The following REEP3 variants were observed in gnomAD, a reference collection of about 807,000 sequenced individuals.
REEP3 encodes receptor expression-enhancing protein 3.
A neutral mutation model predicts 41.3 loss-of-function variants in REEP3; 20 were observed. The observed-to-expected ratio is 0.48, with a 90% CI of 0.34 to 0.70. The LOEUF is 0.70. Among genes scored for constraint, REEP3 ranks in the 30% least tolerant of loss-of-function variants. The pLI, the probability that REEP3 is intolerant of heterozygous loss-of-function variation, is 0.01. For missense variants in REEP3, 271 were observed against 308.8 expected, an observed-to-expected ratio of 0.88 and a Z score of 0.92; for synonymous variants, 104 against 101.8, an observed-to-expected ratio of 1.02 and a Z score of -0.13.
intron 1 of REEP3, among the ~76,000 whole-genome samples, chr10:63,541,713 T>C (rs1380963675): frequency 6.6e-6 from 1 of 152,112 alleles, no homozygotes; most frequent in Non-Finnish European, 1.5e-5. Context: ...TATTTAAAGG[T>C]CAACCAGTAG....
At chr10:63,567,340 ACCCTGTG>A (rs927985287) in intron 2 of REEP3, among the ~76,000 whole-genome samples, 16 of 152,040 alleles carry the variant, frequency 1.1e-4, no homozygotes, top group African/African-American at 3.4e-4. Flanking sequence ...CCCAAATAAA[ACCCTGTG>A]CCCAAGTTGC....
intron 5 of REEP3, 153 bp downstream of exon 5, chr10:63,599,436 T>A (rs973064839): frequency 2.3e-6 from 1 of 439,448 alleles, no homozygotes; most frequent in African/African-American, 2.1e-5. Context: ...GATATTTTAA[T>A]TTTGTGTTTT....
At chr10:63,546,391 T>C (rs1955578832) in intron 1 of REEP3, among the ~76,000 whole-genome samples, 1 of 152,052 alleles carries the variant, frequency 6.6e-6, no homozygotes, top group Non-Finnish European at 1.5e-5. Context: ...GTTTGACAGA[T>C]TGGCTGTGAA....
intron 2 of REEP3, among the ~76,000 whole-genome samples, chr10:63,589,757 G>A (rs1477641627): frequency 7.1e-6 from 1 of 141,502 alleles, no homozygotes; most frequent in African/African-American, 2.6e-5. Flanking sequence ...GAGCTAGGAC[G>A]TCTAATGTAC....
At chr10:63,590,876 C>A (rs1367205919) in intron 2 of REEP3, among the ~76,000 whole-genome samples, 4 of 152,166 alleles carry the variant, frequency 2.6e-5, no homozygotes, top group African/African-American at 4.8e-5. Context: ...AAGTTAGTAA[C>A]CTTTTTTCCC....
intron 7 of REEP3, 144 bp downstream of exon 7, chr10:63,619,944 T>C (rs1956340902): frequency 1.3e-6 from 1 of 753,992 alleles, no homozygotes. Context: ...TTTTTTTTTT[T>C]AGTTTTTGGG....
chr10:63,545,270 T>C (rs1174615330), intron 1 of REEP3, among the ~76,000 whole-genome samples: 1 of 152,232 alleles, frequency 6.6e-6, no homozygotes, highest in African/African-American at 2.4e-5. Context: ...ATGTTTACCA[T>C]TTATTTGTGC....
At chr10:63,617,520 C>A (rs1956320431) in intron 6 of REEP3, among the ~76,000 whole-genome samples, 1 of 152,136 alleles carries the variant, frequency 6.6e-6, no homozygotes, top group African/African-American at 2.4e-5. Context: ...CTACCTCAGC[C>A]TTTGGAGGAG....
At chr10:63,591,133 T>G (rs1423628643) in intron 2 of REEP3, among the ~76,000 whole-genome samples, 115 of 145,244 alleles carry the variant, frequency 7.9e-4, no homozygotes, top group African/African-American at 2.1e-3. Context: ...TTTTGTTTTT[T>G]TTTTTTTTGA....
intron 1 of REEP3, among the ~76,000 whole-genome samples, chr10:63,539,947 C>T (rs911322783): frequency 7.2e-5 from 11 of 152,220 alleles, no homozygotes; most frequent in African/African-American, 1.7e-4. Context: ...TGTCAGGAAA[C>T]GGTCACAGAG....
intron 1 of REEP3, among the ~76,000 whole-genome samples, chr10:63,533,806 C>T (rs748027278): frequency 1.4e-4 from 21 of 149,288 alleles, no homozygotes; most frequent in Non-Finnish European, 2.5e-4. Flanking sequence ...CTCCCGGGTT[C>T]AAGCAATTCT....
At chr10:63,532,491 T>C (rs1005640121) in intron 1 of REEP3, among the ~76,000 whole-genome samples, 1 of 151,950 alleles carries the variant, frequency 6.6e-6, no homozygotes, top group African/African-American at 2.4e-5. Flanking sequence ...TGAAACCCTG[T>C]CTCTACTAAA....
intron 1 of REEP3, among the ~76,000 whole-genome samples, chr10:63,539,744 T>C (rs769239118): frequency 7.2e-5 from 11 of 152,230 alleles, no homozygotes; most frequent in African/African-American, 2.7e-4. Flanking sequence ...CAAAGTATTA[T>C]ACCATATTTA....
At chr10:63,544,299 G>A (rs1441432858) in intron 1 of REEP3, among the ~76,000 whole-genome samples, 1 of 152,214 alleles carries the variant, frequency 6.6e-6, no homozygotes, top group Non-Finnish European at 1.5e-5. Context: ...AGAAAGCAAG[G>A]AAAGGTTGTT....
chr10:63,617,766 C>T (rs966768890), intron 6 of REEP3, among the ~76,000 whole-genome samples: 39 of 145,190 alleles, frequency 2.7e-4, no homozygotes, highest in African/African-American at 9.6e-4. Context: ...ATCACATGCA[C>T]GGAATCTATC....
At chr10:63,531,787 GT>G (rs1955423115) in intron 1 of REEP3, among the ~76,000 whole-genome samples, 1 of 152,072 alleles carries the variant, frequency 6.6e-6, no homozygotes, top group Admixed American at 6.5e-5. Context: ...CTGCTTCTAT[GT>G]ATTTTATGAG....
intron 1 of REEP3, among the ~76,000 whole-genome samples, chr10:63,552,405 C>T (rs76412965): frequency 0.017 from 2,514 of 151,520 alleles, 31 homozygotes; most frequent in Non-Finnish European, 0.025. Flanking sequence ...AGCAAGACTC[C>T]GTCTCAAAAA....
chr10:63,618,801 C>A (rs142930809), intron 6 of REEP3, among the ~76,000 whole-genome samples: 20 of 152,354 alleles, frequency 1.3e-4, no homozygotes, highest in African/African-American at 4.6e-4. Flanking sequence ...CAAGGTAACT[C>A]TGACGTGCTC....
In REEP3 at chr10:63,565,076, G is replaced by A. The variant is rs150825377; in HGVS notation, c.33-1262G>A. 3.3e-3 allele frequency among the ~76,000 whole-genome samples: 498 copies of A among 152,266 alleles called. 2 individuals are homozygous for A. The highest frequency in any genetic ancestry group is 0.012 in the African/African-American group (483 of 41,546). ...AGTTTGAGACCAGCCTGGCCAACAT[G>A]GCGAACCCTGTCTCTACTAAAAATA... is the stretch of plus-strand genomic sequence containing the variant. On this transcript the variant is annotated intron_variant, in intron 1 of 7. Transcript: ENST00000373758.
Sources: gnomAD v4.1 joint callset for allele counts (sites outside exome capture counted in the v4.1 genomes callset) on GRCh38, gnomAD v4.1.1 for gene constraint, MANE v1.5 for transcripts, NCBI Gene and HGNC (gene_info 2026-07-23, HGNC 2026-07-21) for gene names.